Variants in TTLL7 observed in about 807,000 individuals in gnomAD.
The protein encoded by TTLL7 is tubulin polyglutamylase TTLL7.
In TTLL7, 53 loss-of-function variants were observed where a neutral mutation model predicts 120.2. The observed-to-expected ratio is 0.44, with a 90% CI of 0.35 to 0.55. TTLL7 has a LOEUF of 0.55. Among genes scored for constraint, TTLL7 ranks in the 20% least tolerant of loss-of-function variants. The probability of loss-of-function intolerance (pLI) is 0.00; values close to 1 mark genes in which losing one functional copy is unlikely to be tolerated. For synonymous variants in TTLL7, 353 were observed against 351.7 expected (o/e 1.00, Z -0.04); for missense variants, 803 against 1,054.7 (o/e 0.76, Z 3.31).
intron 1 of TTLL7, among the ~76,000 whole-genome samples, chr1:83,967,501 G>A (rs1650579178): frequency 1.3e-5 from 2 of 152,070 alleles, no homozygotes; most frequent in South Asian, 4.1e-4. Context: ...GCAGAAGGAG[G>A]ACACAGTGTC....
Position 83,951,980 on chromosome 1 carries a change from T to A in TTLL7, c.26-4A>T, listed in dbSNP as rs1557721852. On this transcript the variant is annotated splice_polypyrimidine_tract_variant and splice_region_variant and intron_variant, in intron 2 of 20. Transcript: ENST00000260505. ...AGGGGAGAGGGTCCCTGAATAACTT[T>A]AAAAAAATGTAAAATAATCAGATAA... The A allele has an allele frequency of 6.9e-6, 11 of 1,597,652 alleles. No individual in the cohort carries two copies. The highest frequency in any genetic ancestry group is 3.6e-5 in the Admixed American group (2 of 55,960).
chr1:83,964,488 T>C (rs1650277227), intron 1 of TTLL7, among the ~76,000 whole-genome samples: 1 of 152,152 alleles, frequency 6.6e-6, no homozygotes, highest in African/African-American at 2.4e-5. Flanking sequence ...CCAATCTGTT[T>C]AAACTTTAAT....
chr1:83,990,191 C>T (rs534877642), intron 1 of TTLL7, among the ~76,000 whole-genome samples: 1 of 112,352 alleles, frequency 8.9e-6, no homozygotes, highest in Non-Finnish European at 1.7e-5. Flanking sequence ...TTTTTTGAGA[C>T]GGAGTCTCGC....
chr1:83,971,838 T>G (rs958697388), intron 1 of TTLL7, among the ~76,000 whole-genome samples: 1 of 152,088 alleles, frequency 6.6e-6, no homozygotes, highest in Non-Finnish European at 1.5e-5. Context: ...AATAATAGAA[T>G]GTAAGACAAA....
intron 3 of TTLL7, among the ~76,000 whole-genome samples, chr1:83,950,855 C>A (rs12080852): frequency 0.024 from 3,659 of 152,200 alleles, 73 homozygotes; most frequent in African/African-American, 0.053. Context: ...GCTGTGCCAC[C>A]TACAGCTCAT....
At chr1:83,904,391 T>C (rs891901608) in intron 17 of TTLL7, among the ~76,000 whole-genome samples, 3 of 152,058 alleles carry the variant, frequency 2.0e-5, no homozygotes, top group Non-Finnish European at 2.9e-5. Context: ...TTCCAGCACT[T>C]TGGGAGGCTG....
At chr1:83,884,751 A>T (rs1179073306) in intron 19 of TTLL7, among the ~76,000 whole-genome samples, 12 of 148,676 alleles carry the variant, frequency 8.1e-5, no homozygotes, top group Non-Finnish European at 1.6e-4. Flanking sequence ...GAGGGATAGC[A>T]TTGGGAGATA....
At chr1:83,905,431 T>G (rs1398025052) in intron 17 of TTLL7, among the ~76,000 whole-genome samples, 1 of 151,666 alleles carries the variant, frequency 6.6e-6, no homozygotes, top group African/African-American at 2.4e-5. Context: ...TTCAGACAGG[T>G]CTAAAGTATA....
intron 19 of TTLL7, among the ~76,000 whole-genome samples, chr1:83,883,963 A>G (rs1219956366): frequency 2.0e-5 from 3 of 151,956 alleles, no homozygotes; most frequent in Non-Finnish European, 4.4e-5. Flanking sequence ...CTTCTCCTTC[A>G]TTGAACTCAG....
chr1:83,976,734 C>T (rs1023854691), intron 1 of TTLL7, among the ~76,000 whole-genome samples: 1 of 152,020 alleles, frequency 6.6e-6, no homozygotes, highest in African/African-American at 2.4e-5. Context: ...ATTCTCTTAC[C>T]CATTTCAATA....
At position 83,988,622 on chromosome 1, in the gene TTLL7, G is replaced by T. The variant is rs145689649; in HGVS notation, c.-177+10309C>A. On this transcript the variant is annotated intron_variant, in intron 1 of 20. Transcript: ENST00000260505. ...ATCTCATTGTGGTTTTGATTTGCATGTCTCTGGTGATTAGTGATGTTGAGC... is the reference window on the plus strand; with the variant it reads ...ATCTCATTGTGGTTTTGATTTGCATTTCTCTGGTGATTAGTGATGTTGAGC... 1.2e-3 allele frequency among the ~76,000 whole-genome samples: 186 copies of T among 152,200 alleles called. 3 individuals are homozygous for T. In the South Asian group the frequency reaches 0.037, roughly 30 times the overall value.
At chr1:83,937,073 G>A (rs967771861) in intron 8 of TTLL7, among the ~76,000 whole-genome samples, 14 of 152,102 alleles carry the variant, frequency 9.2e-5, no homozygotes, top group African/African-American at 3.4e-4. Flanking sequence ...ACAGCATTTT[G>A]GTGTACAATG....
rs1373019189 is a variant in TTLL7 at position 83,929,678 on chromosome 1, T to C, written c.1048-448A>G. On this transcript the variant is annotated intron_variant, in intron 9 of 20. Transcript: ENST00000260505. The stretch of plus-strand genomic sequence containing the variant: ...ATATTTAAAATATGGAAACTATCAG[T>C]GCTCCCTTTTCACTGCCTCAGATCT... Among the ~76,000 whole-genome samples the C allele has an allele frequency of 2.0e-5, 3 of 152,152 alleles. No individual in the cohort carries two copies. The South Asian group carries it at 6.2e-4, about 31-fold the overall frequency.
At chr1:83,983,610 T>A (rs1366276330) in intron 1 of TTLL7, among the ~76,000 whole-genome samples, 2 of 152,064 alleles carry the variant, frequency 1.3e-5, no homozygotes, top group Non-Finnish European at 2.9e-5. Flanking sequence ...ATAACAAAAA[T>A]TGACAAGTGG....
chr1:83,897,232 T>C (rs1035275539), intron 18 of TTLL7, among the ~76,000 whole-genome samples: 6 of 152,200 alleles, frequency 3.9e-5, no homozygotes, highest in Admixed American at 3.9e-4. Context: ...AAAAGTGGTA[T>C]ATATATTTCC....
chr1:83,943,080 G>A (rs755340505), intron 6 of TTLL7, among the ~76,000 whole-genome samples: 2 of 152,136 alleles, frequency 1.3e-5, no homozygotes, highest in South Asian at 2.1e-4. Flanking sequence ...GCTTCCTGGA[G>A]GACCTCAAAG....
intron 1 of TTLL7, among the ~76,000 whole-genome samples, chr1:83,964,377 A>G (rs925625460): frequency 2.0e-5 from 3 of 152,130 alleles, no homozygotes; most frequent in Non-Finnish European, 4.4e-5. Flanking sequence ...TATAATCTCT[A>G]TAGATACTCT....
chr1:83,870,287 C>T (rs934843320), intron 20 of TTLL7, among the ~76,000 whole-genome samples: 3 of 152,072 alleles, frequency 2.0e-5, no homozygotes, highest in Non-Finnish European at 4.4e-5. Flanking sequence ...GTTAGCATCC[C>T]AAGACATCCC....
intron 1 of TTLL7, among the ~76,000 whole-genome samples, chr1:83,952,950 G>A (rs905367437): frequency 4.6e-5 from 7 of 152,166 alleles, no homozygotes; most frequent in Non-Finnish European, 7.4e-5. Flanking sequence ...AAAAGTGCCA[G>A]GCAGGGTAGA....
Sources: gnomAD v4.1 joint callset for allele counts (sites outside exome capture counted in the v4.1 genomes callset) on GRCh38, gnomAD v4.1.1 for gene constraint, MANE v1.5 for transcripts, NCBI Gene and HGNC (gene_info 2026-07-23, HGNC 2026-07-21) for gene names.